The following ARHGEF28 variants were observed in gnomAD, a reference collection of about 807,000 sequenced individuals.
The protein encoded by ARHGEF28 is Rho guanine nucleotide exchange factor 28, also known as 190 kDa guanine nucleotide exchange factor.
A neutral mutation model predicts 206.6 loss-of-function variants in ARHGEF28; 152 were observed. The ratio of observed to expected loss-of-function variants is 0.74; its 90% confidence interval spans 0.64 to 0.84. The LOEUF is 0.84. Ranked by LOEUF, ARHGEF28 falls within the 40% of genes least tolerant of loss-of-function variation. The pLI is 0.00. For synonymous variants in ARHGEF28, 763 were observed against 776.4 expected (o/e 0.98, Z 0.29); for missense variants, 2,028 against 2,073.2 (o/e 0.98, Z 0.42).
At chr5:73,682,505 C>T (rs1304593404) in intron 1 of ARHGEF28, among the ~76,000 whole-genome samples, 1 of 151,686 alleles carries the variant, frequency 6.6e-6, no homozygotes, top group East Asian at 1.9e-4. Context: ...GCAACCCCTG[C>T]CTCCTGGGTT....
chr5:73,729,007 A>G (rs1278891271), intron 2 of ARHGEF28, among the ~76,000 whole-genome samples: 1 of 152,246 alleles, frequency 6.6e-6, no homozygotes, highest in African/African-American at 2.4e-5. Flanking sequence ...ATATCACTGC[A>G]GTCTGAAGGG....
intron 9 of ARHGEF28, among the ~76,000 whole-genome samples, chr5:73,800,892 T>C (rs1019673610): frequency 6.6e-6 from 1 of 152,242 alleles, no homozygotes; most frequent in South Asian, 2.1e-4. Flanking sequence ...CTAAACAGAA[T>C]GTTAGGTGGT....
At chr5:73,704,021 C>CT (rs1748770842) in intron 2 of ARHGEF28, among the ~76,000 whole-genome samples, 2 of 57,034 alleles carry the variant, frequency 3.5e-5, no homozygotes, top group Non-Finnish European at 6.2e-5. Flanking sequence ...GAGACTCTGT[C>CT]TAAAAAAAAA....
At chr5:73,672,663 A>G (rs1052904490) in intron 1 of ARHGEF28, among the ~76,000 whole-genome samples, 1 of 152,258 alleles carries the variant, frequency 6.6e-6, no homozygotes, top group Admixed American at 6.5e-5. Context: ...TATCTTGCCC[A>G]TGATGCTTGA....
intron 1 of ARHGEF28, among the ~76,000 whole-genome samples, chr5:73,629,781 G>T (rs1743247088): frequency 6.6e-6 from 1 of 152,164 alleles, no homozygotes; most frequent in African/African-American, 2.4e-5. Context: ...TACTGGTTTT[G>T]AACACTTGTA....
rs1762776307 is a variant in ARHGEF28, at chr5:73,909,778, G to A, written c.4528G>A (p.Gly1510Ser). 2 of 1,515,622 alleles carry A rather than the reference G, an allele frequency of 1.3e-6. No individual in the cohort carries two copies. The highest frequency in any genetic ancestry group is 1.8e-6 in the Non-Finnish European group (2 of 1,135,422). 93.9% of individuals were successfully genotyped at this position (1,515,622 alleles called of 1,614,324 possible). A position where few individuals can be genotyped will look rare whatever the true frequency, so the allele number is the denominator to read the frequency against. The change falls in exon 34 of 36, where the codon GGC (glycine) becomes AGC (serine). Residue 1510 changes from glycine (G) to serine (S), a missense_variant. Physicochemically the swap from Gly to Ser is moderately conservative, Grantham distance 56. This residue lies in a region of ARHGEF28 where 803 missense variants were observed against 768.0 expected (regional missense o/e 1.05). Transcript: ENST00000513042. ...GCACAGCCTGGAGCGGCTGAGGGAG[G>A]GCCAGCGCCTGGTGGAGAGGGAGCA... ...YQHSLERLRE[G>S]QRLVEREQAR...
chr5:73,652,521 G>C (rs1297904210), intron 1 of ARHGEF28, among the ~76,000 whole-genome samples: 1 of 152,202 alleles, frequency 6.6e-6, no homozygotes, highest in Admixed American at 6.5e-5. Context: ...GGGCTAGGCA[G>C]GGTGGGGCCA....
At chr5:73,837,951 G>T (rs886493662) in intron 10 of ARHGEF28, among the ~76,000 whole-genome samples, 4 of 152,066 alleles carry the variant, frequency 2.6e-5, no homozygotes, top group Non-Finnish European at 4.4e-5. Flanking sequence ...TGTTGGCCAG[G>T]CTGGTCTTGA....
chr5:73,849,495 T>C (rs970351602), intron 13 of ARHGEF28, among the ~76,000 whole-genome samples: 3 of 152,126 alleles, frequency 2.0e-5, no homozygotes, highest in Non-Finnish European at 4.4e-5. Context: ...TGTTGCAGAA[T>C]GGATTTTCTT....
At chr5:73,838,447 A>G (rs1340874614) in intron 10 of ARHGEF28, among the ~76,000 whole-genome samples, 1 of 152,202 alleles carries the variant, frequency 6.6e-6, no homozygotes, top group African/African-American at 2.4e-5. Context: ...ATTAATTTTC[A>G]AGGTTATCAA....
In ARHGEF28 at chr5:73,869,980, T is replaced by C. The variant is rs1476656212; in HGVS notation, c.2426-89T>C. Reference sequence around the variant, plus strand: ...TTTCCATGTTCATAGCAGATTTATTTAGGGTGAGGAATCCATAGACAAATA... The same window carrying C: ...TTTCCATGTTCATAGCAGATTTATTCAGGGTGAGGAATCCATAGACAAATA... On this transcript the variant is annotated intron_variant, in intron 20 of 35. Transcript: ENST00000513042. The C allele has an allele frequency of 2.1e-6, 3 of 1,442,528 alleles. No homozygotes were observed. The African/African-American group carries it at 4.3e-5, about 21-fold the overall frequency. The allele number at this position is 1,442,528 out of a possible 1,614,324, so 89.4% of individuals were successfully genotyped here. A position where few individuals can be genotyped will look rare whatever the true frequency, so the allele number is the denominator to read the frequency against.
chr5:73,638,088 A>G (rs1743840802), intron 1 of ARHGEF28, among the ~76,000 whole-genome samples: 1 of 152,236 alleles, frequency 6.6e-6, no homozygotes, highest in Non-Finnish European at 1.5e-5. Context: ...TTAGAATGCA[A>G]CCACAAACTG....
In ARHGEF28 at chr5:73,710,457, T is replaced by C. The variant is rs753704877; in HGVS notation, c.33+25573T>C. ...CTGGATACAGCTTCCTTTTCAGATA[T>C]GTGATTTAAAATATTTTCTCCTAGT... On this transcript the variant is annotated intron_variant, in intron 2 of 35. Coordinates refer to ENST00000513042, the MANE Select transcript of ARHGEF28 (RefSeq NM_001177693.2). Among the ~76,000 whole-genome samples, 9 of 152,320 alleles carry C rather than the reference T, an allele frequency of 5.9e-5. No homozygotes were observed. The South Asian group carries it at 8.3e-4, about 14-fold the overall frequency.
At chr5:73,828,352 C>T (rs62357754) in intron 9 of ARHGEF28, among the ~76,000 whole-genome samples, 24,111 of 152,220 alleles carry the variant, frequency 0.16, 1,994 homozygotes, top group African/African-American at 0.18. Flanking sequence ...CTTTGACAAG[C>T]AGAGGCTATG....
chr5:73,930,466 A>G (rs1040018263), intron 35 of ARHGEF28, among the ~76,000 whole-genome samples: 60 of 152,190 alleles, frequency 3.9e-4, no homozygotes, highest in Non-Finnish European at 1.9e-4. Context: ...TTCACTCTTA[A>G]TTATATAGAC....
intron 2 of ARHGEF28, among the ~76,000 whole-genome samples, chr5:73,736,803 T>G (rs1171704190): frequency 2.1e-5 from 3 of 144,262 alleles, no homozygotes; most frequent in African/African-American, 7.6e-5. Context: ...GTAAGGTTTG[T>G]AAACAACGTC....
In ARHGEF28 at chr5:73,748,911, G is replaced by T. The variant is rs150154181; in HGVS notation, c.34-926G>T. Among the ~76,000 whole-genome samples the T allele has an allele frequency of 1.6e-3, 245 of 152,284 alleles. 1 individual carries two copies. Among genetic ancestry groups the T allele is most frequent in the Admixed American group, 3.4e-3 (52 of 15,294 alleles). On this transcript the variant is annotated intron_variant, in intron 2 of 35. Transcript: ENST00000513042. ...AGATGACCTGGCAGTCCCTACCATA[G>T]CTGCTGTTCCCCTGGGTGCAACACG...
Position 73,940,975 on chromosome 5 carries a change from A to G in ARHGEF28, c.5080A>G (p.Thr1694Ala). The change falls in exon 36 of 36, where the codon ACT (threonine) becomes GCT (alanine). Residue 1694 changes from threonine (T) to alanine (A), a missense_variant. Thr to Ala is a moderately conservative substitution (Grantham distance 58). This residue lies in a region of ARHGEF28 where 803 missense variants were observed against 768.0 expected (regional missense o/e 1.05). Coordinates refer to ENST00000513042, the MANE Select transcript of ARHGEF28 (RefSeq NM_001177693.2). ...GACAATGACCAGACAAGATGGGGAA[A>G]CTGGAGATGGAGCCAAAGAAAATAT... ...TRTMTRQDGE[T>A]GDGAKENIVY... 1 of 1,527,754 alleles carries G rather than the reference A, an allele frequency of 6.5e-7. No homozygotes were observed. 94.6% of individuals were successfully genotyped at this position (1,527,754 alleles called of 1,614,324 possible). A position where few individuals can be genotyped will look rare whatever the true frequency, so the allele number is the denominator to read the frequency against.
intron 4 of ARHGEF28, among the ~76,000 whole-genome samples, chr5:73,757,903 GT>G (rs1752399490): frequency 6.6e-6 from 1 of 152,122 alleles, no homozygotes; most frequent in African/African-American, 2.4e-5. Flanking sequence ...TTGCTTGTTT[GT>G]TTTTTGAGCA....
Sources: gnomAD v4.1 joint callset for allele counts (sites outside exome capture counted in the v4.1 genomes callset) on GRCh38, gnomAD v4.1.1 for gene constraint, gnomAD v4.1.1 regional missense constraint, MANE v1.5 for transcripts, NCBI Gene and HGNC (gene_info 2026-07-23, HGNC 2026-07-21) for gene names.